Variants in CDKAL1 observed in about 807,000 individuals in gnomAD.
CDKAL1 encodes the protein CDKAL1 threonylcarbamoyladenosine tRNA methylthiotransferase.
CDKAL1 carries 32 observed loss-of-function variants against 68.2 expected under a neutral mutation model. That is an observed-to-expected ratio of 0.47 (90% CI 0.35 to 0.63). The LOEUF (loss-of-function observed/expected upper bound fraction) is 0.63, where lower values mean the gene tolerates loss of function less well. Ranked by LOEUF, CDKAL1 falls within the 30% of genes least tolerant of loss-of-function variation. CDKAL1 has a pLI of 0.00. For missense variants in CDKAL1, 606 were observed against 696.7 expected, an observed-to-expected ratio of 0.87 and a Z score of 1.47; for synonymous variants, 234 against 244.3, an observed-to-expected ratio of 0.96 and a Z score of 0.39.
At chr6:20,862,086 GATTA>G (rs1451827588) in intron 9 of CDKAL1, among the ~76,000 whole-genome samples, 1 of 152,126 alleles carries the variant, frequency 6.6e-6, no homozygotes, top group African/African-American at 2.4e-5. Context: ...TAACTCATAA[GATTA>G]GTTAGATAAA....
At chr6:21,137,922 T>A (rs150130187) in intron 13 of CDKAL1, among the ~76,000 whole-genome samples, 10 of 152,370 alleles carry the variant, frequency 6.6e-5, no homozygotes, top group Admixed American at 2.0e-4. Flanking sequence ...AACAACGCTC[T>A]GTGTAGCATA....
intron 4 of CDKAL1, among the ~76,000 whole-genome samples, chr6:20,587,673 C>T (rs1326057337): frequency 1.3e-5 from 2 of 152,096 alleles, no homozygotes; most frequent in Non-Finnish European, 2.9e-5. Flanking sequence ...TTTGAGGCTG[C>T]AGTGAGCCAT....
At chr6:20,818,789 T>G (rs1308334919) in intron 8 of CDKAL1, among the ~76,000 whole-genome samples, 1 of 151,772 alleles carries the variant, frequency 6.6e-6, no homozygotes, top group Non-Finnish European at 1.5e-5. Context: ...AAAGTGCCTC[T>G]GTTGTCATGG....
At chr6:21,105,051 T>G (rs988701473) in intron 12 of CDKAL1, among the ~76,000 whole-genome samples, 13 of 152,238 alleles carry the variant, frequency 8.5e-5, no homozygotes, top group Admixed American at 5.2e-4. Flanking sequence ...CCCCAGTGTT[T>G]TATATCAAGA....
intron 5 of CDKAL1, among the ~76,000 whole-genome samples, chr6:20,657,589 G>A (rs1769084831): frequency 6.6e-6 from 1 of 152,168 alleles, no homozygotes; most frequent in Non-Finnish European, 1.5e-5. Context: ...AAAGAAAGAT[G>A]ACTCTAAGGG....
At chr6:21,035,888 T>C (rs975157523) in intron 11 of CDKAL1, among the ~76,000 whole-genome samples, 7 of 152,214 alleles carry the variant, frequency 4.6e-5, no homozygotes, top group Non-Finnish European at 8.8e-5. Context: ...TGCAGAATTC[T>C]ATTAGATTCT....
intron 13 of CDKAL1, among the ~76,000 whole-genome samples, chr6:21,181,079 ATG>A (rs1777770658): frequency 6.6e-6 from 1 of 152,324 alleles, no homozygotes; most frequent in Admixed American, 6.5e-5. Flanking sequence ...GAATGCATGC[ATG>A]TGCAAGAGGG....
At chr6:20,554,419 A>C (rs2127661929) in intron 4 of CDKAL1, among the ~76,000 whole-genome samples, 1 of 152,246 alleles carries the variant, frequency 6.6e-6, no homozygotes, top group African/African-American at 2.4e-5. Context: ...GATGTTGGTA[A>C]ATTGTTTTCA....
At chr6:20,991,081 T>G (rs559226471) in intron 10 of CDKAL1, among the ~76,000 whole-genome samples, 1 of 152,252 alleles carries the variant, frequency 6.6e-6, no homozygotes, top group African/African-American at 2.4e-5. Flanking sequence ...ACATTGTGCT[T>G]TGGCATTGAG....
chr6:20,953,345 G>T (rs1764628788), intron 9 of CDKAL1, among the ~76,000 whole-genome samples: 1 of 152,142 alleles, frequency 6.6e-6, no homozygotes, highest in African/African-American at 2.4e-5. Flanking sequence ...GCAAGGCACT[G>T]TTCCAGGAAC....
At chr6:20,931,472 A>T (rs1763458095) in intron 9 of CDKAL1, among the ~76,000 whole-genome samples, 1 of 152,166 alleles carries the variant, frequency 6.6e-6, no homozygotes, top group Non-Finnish European at 1.5e-5. Flanking sequence ...TAACAAAACT[A>T]TTCTCCTGGT....
chr6:20,730,860 A>AG (rs1323178982), intron 5 of CDKAL1, among the ~76,000 whole-genome samples: 9 of 151,288 alleles, frequency 5.9e-5, no homozygotes, highest in Admixed American at 2.0e-4. Flanking sequence ...AAAAAAAAAA[A>AG]AGAGAGAAGG....
chr6:20,797,422 G>A (rs1776153237), intron 8 of CDKAL1, among the ~76,000 whole-genome samples: 1 of 152,218 alleles, frequency 6.6e-6, no homozygotes, highest in Non-Finnish European at 1.5e-5. Context: ...CAGCCATTTG[G>A]AGAATGAATT....
At chr6:21,076,381 G>A (rs1487864276) in intron 12 of CDKAL1, among the ~76,000 whole-genome samples, 13 of 152,158 alleles carry the variant, frequency 8.5e-5, no homozygotes, top group South Asian at 2.1e-4. Flanking sequence ...ACACAGACAC[G>A]TGAGTGCGCA....
chr6:20,781,472 T>C (rs1303161511), intron 8 of CDKAL1, among the ~76,000 whole-genome samples: 1 of 152,220 alleles, frequency 6.6e-6, no homozygotes, highest in Non-Finnish European at 1.5e-5. Context: ...AACTTTAATA[T>C]TATTCCCATT....
intron 11 of CDKAL1, among the ~76,000 whole-genome samples, chr6:21,003,371 T>TATACACACAC: frequency 4.1e-5 from 2 of 49,304 alleles, no homozygotes; most frequent in Admixed American, 5.7e-4. Context: ...TATATATATA[T>TATACACACAC]ACACACACAC....
chr6:20,818,772 T>G (rs1411846168), intron 8 of CDKAL1, among the ~76,000 whole-genome samples: 2 of 151,492 alleles, frequency 1.3e-5, no homozygotes, highest in Non-Finnish European at 2.9e-5. Flanking sequence ...CTAATATGTA[T>G]ATATTTAAAG....
intron 11 of CDKAL1, 126 bp downstream of exon 11, chr6:21,000,498 C>G (rs989143668): frequency 5.2e-5 from 42 of 805,920 alleles, no homozygotes; most frequent in Non-Finnish European, 7.1e-5. Flanking sequence ...TCGAAGCTTT[C>G]AAAGCCTTTA....
intron 15 of CDKAL1, among the ~76,000 whole-genome samples, 158 bp from the exon 16 acceptor site, chr6:21,230,690 C>T (rs1779931846): frequency 6.6e-6 from 1 of 151,882 alleles, no homozygotes; most frequent in South Asian, 2.1e-4. Flanking sequence ...TTCATACCTA[C>T]CTTGGGGCCA....
Sources: gnomAD v4.1 joint callset for allele counts (sites outside exome capture counted in the v4.1 genomes callset) on GRCh38, gnomAD v4.1.1 for gene constraint, MANE v1.5 for transcripts, NCBI Gene and HGNC (gene_info 2026-07-23, HGNC 2026-07-21) for gene names.